The following RNF150 variants were observed in gnomAD, a reference collection of about 807,000 sequenced individuals.
RNF150 encodes ring finger protein 150.
RNF150 carries 24 observed loss-of-function variants against 39.3 expected under a neutral mutation model. The observed-to-expected ratio is 0.61, with a 90% CI of 0.44 to 0.86. RNF150 has a LOEUF of 0.86. Among genes scored for constraint, RNF150 ranks in the 40% least tolerant of loss-of-function variants. The pLI, the probability that RNF150 is intolerant of heterozygous loss-of-function variation, is 0.00. For synonymous variants in RNF150, 255 were observed against 227.3 expected (o/e 1.12, Z -1.10); for missense variants, 502 against 587.8 (o/e 0.85, Z 1.51).
intron 6 of RNF150, among the ~76,000 whole-genome samples, chr4:140,908,969 T>C (rs979197255): frequency 6.6e-6 from 1 of 152,142 alleles, no homozygotes; most frequent in Non-Finnish European, 1.5e-5. Flanking sequence ...GTTTTTGTTC[T>C]CAAAAGCAAG....
intron 6 of RNF150, among the ~76,000 whole-genome samples, chr4:140,877,706 G>A (rs4956489): frequency 0.022 from 3,284 of 152,256 alleles, 136 homozygotes; most frequent in African/African-American, 0.07. Context: ...CCATAGAAAT[G>A]TAATACAAGG....
intron 1 of RNF150, among the ~76,000 whole-genome samples, chr4:141,149,142 A>G (rs1727253370): frequency 6.6e-6 from 1 of 152,226 alleles, no homozygotes; most frequent in Non-Finnish European, 1.5e-5. Flanking sequence ...GGGGATTTCA[A>G]GAATCATCAA....
At chr4:140,904,935 C>T (rs867914832) in intron 6 of RNF150, among the ~76,000 whole-genome samples, 1 of 152,180 alleles carries the variant, frequency 6.6e-6, no homozygotes, top group African/African-American at 2.4e-5. Context: ...GAGAATGCAT[C>T]TTTAGGAGCA....
At chr4:140,930,621 C>T (rs1415371211) in intron 4 of RNF150, among the ~76,000 whole-genome samples, 2 of 152,242 alleles carry the variant, frequency 1.3e-5, no homozygotes, top group Non-Finnish European at 1.5e-5. Context: ...ATCTCTGTCA[C>T]ATTCGGGACT....
chr4:140,931,335 C>T (rs1052473257), intron 4 of RNF150, among the ~76,000 whole-genome samples: 2 of 152,024 alleles, frequency 1.3e-5, no homozygotes, highest in African/African-American at 4.8e-5. Flanking sequence ...TGCTGAAATG[C>T]CACACAGGGC....
intron 1 of RNF150, among the ~76,000 whole-genome samples, chr4:141,004,567 G>A (rs1021403654): frequency 2.0e-5 from 3 of 152,162 alleles, no homozygotes; most frequent in Non-Finnish European, 2.9e-5. Flanking sequence ...GCAGTTGTTG[G>A]TGAGAACTCT....
chr4:140,933,967 G>A (rs1483367363), intron 4 of RNF150, among the ~76,000 whole-genome samples: 1 of 151,816 alleles, frequency 6.6e-6, no homozygotes, highest in Non-Finnish European at 1.5e-5. Flanking sequence ...GAAATGGTTG[G>A]GCCAATTATT....
intron 6 of RNF150, among the ~76,000 whole-genome samples, chr4:140,882,964 T>C (rs1294457675): frequency 1.3e-5 from 2 of 152,170 alleles, no homozygotes; most frequent in Admixed American, 6.5e-5. Flanking sequence ...TAGTTATCTC[T>C]CTTTTTCCCT....
chr4:140,873,867 G>A (rs766231695), intron 6 of RNF150, among the ~76,000 whole-genome samples: 1 of 151,998 alleles, frequency 6.6e-6, no homozygotes, highest in Non-Finnish European at 1.5e-5. Context: ...GTAGAGACAG[G>A]GTTTCGTTGT....
At chr4:141,130,793 C>T (rs893900666) in intron 1 of RNF150, among the ~76,000 whole-genome samples, 1 of 152,218 alleles carries the variant, frequency 6.6e-6, no homozygotes, top group African/African-American at 2.4e-5. Context: ...ACATGACTTA[C>T]AGTGCTTTCC....
At chr4:141,113,131 T>G (rs1295902424) in intron 1 of RNF150, among the ~76,000 whole-genome samples, 3 of 152,004 alleles carry the variant, frequency 2.0e-5, no homozygotes, top group African/African-American at 7.2e-5. Context: ...TCCTCTAATC[T>G]TTTTTCAAGG....
intron 1 of RNF150, among the ~76,000 whole-genome samples, chr4:140,982,877 G>A (rs1423059041): frequency 1.3e-5 from 2 of 152,036 alleles, no homozygotes; most frequent in Non-Finnish European, 2.9e-5. Flanking sequence ...ATCAGCTGTA[G>A]TCAGTGTGTT....
In RNF150 at chr4:141,022,598, T is replaced by C. The variant is rs1327893730; in HGVS notation, c.485-54725A>G. Reference sequence around the variant, plus strand: ...AAACTCCAGTATAAAACAAATACTTTGAGCATATGGCATTTTCCTCATTCT... The same window carrying C: ...AAACTCCAGTATAAAACAAATACTTCGAGCATATGGCATTTTCCTCATTCT... On this transcript the variant is annotated intron_variant, in intron 1 of 6. Transcript: ENST00000515673. Among the ~76,000 whole-genome samples the C allele has an allele frequency of 2.0e-5, 3 of 152,200 alleles. No individual in the cohort carries two copies. The East Asian group carries it at 5.8e-4, about 29-fold the overall frequency.
rs777757796 is a variant in RNF150, at chr4:140,911,197, A to G, written c.1145T>C (p.Val382Ala). 6.2e-7 allele frequency: 1 copy of G among 1,614,062 alleles called. No individual in the cohort carries two copies. The highest frequency in any genetic ancestry group is 8.5e-7 in the Non-Finnish European group (1 of 1,180,010). ...CTGGGGGATGGGGTCTGTATCCTGG[A>G]CCACCTGCAAGGCTCCCACAGTCCG... ...AVRTVGALQV[V>A]QDTDPIPQEG... The change falls in exon 6 of 7, where the codon GTC becomes GCC. Residue 382 changes from valine (V) to alanine (A), a missense_variant. Physicochemically the swap from Val to Ala is moderately conservative, Grantham distance 64 (BLOSUM62 0). Transcript: ENST00000515673.
chr4:140,959,028 A>T (rs1448949579), intron 2 of RNF150, among the ~76,000 whole-genome samples: 1 of 151,968 alleles, frequency 6.6e-6, no homozygotes, highest in Non-Finnish European at 1.5e-5. Context: ...TCACCTGAAA[A>T]CCATTCCCTC....
intron 1 of RNF150, among the ~76,000 whole-genome samples, chr4:141,045,049 C>T (rs778243993): frequency 5.3e-5 from 8 of 152,106 alleles, no homozygotes; most frequent in Non-Finnish European, 1.0e-4. Flanking sequence ...AATGGTATTC[C>T]CATCATATAT....
At chr4:141,157,566 T>C (rs1308288557) in intron 1 of RNF150, among the ~76,000 whole-genome samples, 1 of 152,214 alleles carries the variant, frequency 6.6e-6, no homozygotes, top group Non-Finnish European at 1.5e-5. Context: ...TCCAGTCCAT[T>C]TGAAGTTGAC....
At chr4:140,892,275 T>G (rs1729780867) in intron 6 of RNF150, among the ~76,000 whole-genome samples, 1 of 152,180 alleles carries the variant, frequency 6.6e-6, no homozygotes, top group South Asian at 2.1e-4. Context: ...AACCCCCTCA[T>G]TTACTTAACT....
chr4:141,171,250 G>T (rs1727713649), intron 1 of RNF150, among the ~76,000 whole-genome samples: 2 of 152,150 alleles, frequency 1.3e-5, no homozygotes, highest in South Asian at 2.1e-4. Flanking sequence ...GCAGAATCAG[G>T]ACTGGACCCT....
Sources: allele counts gnomAD v4.1 joint callset (sites outside exome capture counted in the v4.1 genomes callset), GRCh38; gene constraint gnomAD v4.1.1; transcripts MANE v1.5; gene names NCBI Gene and HGNC (gene_info 2026-07-23, HGNC 2026-07-21).